The following SLC35F3 variants were observed in gnomAD, a reference collection of about 807,000 sequenced individuals.
The protein encoded by SLC35F3 is solute carrier family 35 member F3.
Under a neutral mutation model 49.9 loss-of-function variants are expected in SLC35F3, and 25 were observed. The ratio of observed to expected loss-of-function variants is 0.50; its 90% CI spans 0.37 to 0.70. The LOEUF (loss-of-function observed/expected upper bound fraction) is 0.70. Ranked by LOEUF, SLC35F3 falls within the 30% of genes least tolerant of loss-of-function variation. The probability of loss-of-function intolerance (pLI) is 0.00; values close to 1 mark genes in which losing one functional copy is unlikely to be tolerated. For missense variants in SLC35F3, 525 were observed against 639.8 expected, an observed-to-expected ratio of 0.82 and a Z score of 1.94; for synonymous variants, 275 against 265.4, an observed-to-expected ratio of 1.04 and a Z score of -0.35.
At chr1:234,097,115 C>G (rs924343222) in intron 2 of SLC35F3, among the ~76,000 whole-genome samples, 1 of 152,002 alleles carries the variant, frequency 6.6e-6, no homozygotes, top group Non-Finnish European at 1.5e-5. Context: ...TCTCGAACTC[C>G]CGACCTCAGG....
intron 3 of SLC35F3, among the ~76,000 whole-genome samples, chr1:234,278,453 G>A (rs542616261): frequency 4.8e-4 from 71 of 148,160 alleles, no homozygotes; most frequent in African/African-American, 1.6e-3. Context: ...CTGCACCACT[G>A]CACTCCAGCC....
chr1:234,316,351 C>T (rs1347816026), intron 4 of SLC35F3, among the ~76,000 whole-genome samples: 1 of 152,222 alleles, frequency 6.6e-6, no homozygotes, highest in Non-Finnish European at 1.5e-5. Context: ...CCATGCCACC[C>T]ATTCCCTGCT....
At chr1:234,078,804 A>G (rs1461174610) in intron 2 of SLC35F3, among the ~76,000 whole-genome samples, 2 of 152,218 alleles carry the variant, frequency 1.3e-5, no homozygotes. Context: ...CTTACTTTAT[A>G]CAAGGAAAAG....
At chr1:234,275,602 G>GAC (rs58345055) in intron 3 of SLC35F3, among the ~76,000 whole-genome samples, 2,210 of 144,986 alleles carry the variant, frequency 0.015, 60 homozygotes, top group African/African-American at 0.052. Context: ...CAGACAGACA[G>GAC]ACACACACAC....
At chr1:234,261,066 T>C (rs1440029382) in intron 3 of SLC35F3, among the ~76,000 whole-genome samples, 1 of 152,136 alleles carries the variant, frequency 6.6e-6, no homozygotes, top group African/African-American at 2.4e-5. Context: ...AAGTAAAATT[T>C]TGGCTAACAC....
At chr1:234,103,804 T>G (rs2102883610) in intron 2 of SLC35F3, among the ~76,000 whole-genome samples, 1 of 152,320 alleles carries the variant, frequency 6.6e-6, no homozygotes, top group Non-Finnish European at 1.5e-5. Flanking sequence ...CTCATTGACT[T>G]CAGCTTGGCC....
At chr1:234,068,908 T>TA (rs1166482585) in intron 2 of SLC35F3, among the ~76,000 whole-genome samples, 9 of 129,760 alleles carry the variant, frequency 6.9e-5, no homozygotes, top group Non-Finnish European at 1.3e-4. Context: ...ATTATATATA[T>TA]TTTTATATGT....
At chr1:234,278,341 T>A (rs1356402010) in intron 3 of SLC35F3, among the ~76,000 whole-genome samples, 1 of 151,938 alleles carries the variant, frequency 6.6e-6, no homozygotes, top group African/African-American at 2.4e-5. Context: ...AATACAAAAA[T>A]TAGACTGGTG....
chr1:234,035,305 G>A (rs115359661), intron 2 of SLC35F3, among the ~76,000 whole-genome samples: 1,697 of 152,184 alleles, frequency 0.011, 26 homozygotes, highest in African/African-American at 0.037. Flanking sequence ...GAATTTTAAA[G>A]TTCTTGCTCT....
chr1:234,144,849 G>A (rs1665973785), intron 2 of SLC35F3, among the ~76,000 whole-genome samples: 1 of 152,192 alleles, frequency 6.6e-6, no homozygotes, highest in Non-Finnish European at 1.5e-5. Flanking sequence ...ACAGTATGAT[G>A]AAGTTGCACA....
chr1:234,107,363 T>A (rs1373123716), intron 2 of SLC35F3, among the ~76,000 whole-genome samples: 3 of 152,176 alleles, frequency 2.0e-5, no homozygotes, highest in Non-Finnish European at 4.4e-5. Flanking sequence ...GAGTGAAGAA[T>A]TGGCACCAGT....
intron 2 of SLC35F3, among the ~76,000 whole-genome samples, chr1:234,175,351 C>T (rs1481536286): frequency 1.3e-5 from 2 of 152,212 alleles, no homozygotes. Context: ...TTCTTAAATG[C>T]TATCTGCATT....
At position 233,980,662 on chromosome 1, in the gene SLC35F3, G is replaced by A. The variant is rs187133700; in HGVS notation, c.283+74904G>A. Reference sequence around the variant, plus strand: ...TGAAATAAGCTGAGAATTTCCAAACGGAATGATGTTATATTTTCATCTTTG... The same window carrying A: ...TGAAATAAGCTGAGAATTTCCAAACAGAATGATGTTATATTTTCATCTTTG... On this transcript the variant is annotated intron_variant, in intron 2 of 7. Coordinates refer to ENST00000366618, the MANE Select transcript of SLC35F3 (RefSeq NM_173508.4). Among the ~76,000 whole-genome samples, 40 of 152,192 alleles carry A rather than the reference G, an allele frequency of 2.6e-4. 1 individual carries two copies. In the East Asian group the frequency reaches 5.4e-3, roughly 21 times the overall value.
At chr1:234,077,972 C>T (rs1167579405) in intron 2 of SLC35F3, among the ~76,000 whole-genome samples, 1 of 152,176 alleles carries the variant, frequency 6.6e-6, no homozygotes, top group Non-Finnish European at 1.5e-5. Flanking sequence ...TACTTCAGCT[C>T]TCCACCACTG....
At position 234,231,523 on chromosome 1, in the gene SLC35F3, G is replaced by A. The variant is rs1208862627; in HGVS notation, c.390G>A (p.Ala130=). 5.6e-6 allele frequency: 9 copies of A among 1,613,836 alleles called. No homozygotes were observed. Among genetic ancestry groups the A allele is most frequent in the South Asian group, 1.1e-5 (1 of 91,090 alleles). ...GCCGCTGCTGGACGTGCTCCCGGGC[G>A]CAACTCAAGAAGATCTTCTGGGGCG... is the stretch of plus-strand genomic sequence containing the variant. ...ASRRCWTCSR[A]QLKKIFWGVA... is the part of the protein sequence containing the mutation. The change falls in exon 3 of 8, where the codon GCG becomes GCA. Residue 130 remains alanine, a synonymous_variant. Coordinates refer to ENST00000366618, the MANE Select transcript of SLC35F3 (RefSeq NM_173508.4). The surrounding 1 kb of genome is among the most constrained non-coding windows in gnomAD (Gnocchi z 5.4).
chr1:234,199,320 CAGA>C (rs199872935), intron 2 of SLC35F3, among the ~76,000 whole-genome samples: 4,568 of 152,236 alleles, frequency 0.03, 232 homozygotes, highest in African/African-American at 0.1. Context: ...ATATAAAGCC[CAGA>C]AGTAAACCCA....
At chr1:234,296,690 G>T (rs1011726858) in intron 3 of SLC35F3, among the ~76,000 whole-genome samples, 1 of 152,170 alleles carries the variant, frequency 6.6e-6, no homozygotes, top group Non-Finnish European at 1.5e-5. Flanking sequence ...GCACACTCTC[G>T]GCACTTCTCA....
intron 2 of SLC35F3, among the ~76,000 whole-genome samples, chr1:233,949,482 T>C (rs375830873): frequency 5.9e-5 from 9 of 152,340 alleles, no homozygotes; most frequent in African/African-American, 2.2e-4. Context: ...GGCAATGTTA[T>C]AGAAGAGGGA....
At chr1:234,281,983 G>A (rs192396785) in intron 3 of SLC35F3, among the ~76,000 whole-genome samples, 2 of 152,106 alleles carry the variant, frequency 1.3e-5, no homozygotes. Context: ...CTTAAGCGCT[G>A]TTTTTTTCCA....
Sources: allele counts gnomAD v4.1 joint callset (sites outside exome capture counted in the v4.1 genomes callset), GRCh38; gene constraint gnomAD v4.1.1; non-coding constraint Gnocchi (gnomAD v3.1); transcripts MANE v1.5; gene names NCBI Gene and HGNC (gene_info 2026-07-23, HGNC 2026-07-21).